The following TBL1XR1 variants were observed in gnomAD, a reference collection of about 807,000 sequenced individuals.
TBL1XR1 encodes the protein TBL1X/Y related 1.
Under a neutral mutation model 66.9 loss-of-function variants are expected in TBL1XR1, and 5 were observed. That is an observed-to-expected ratio of 0.07 (90% confidence interval 0.04 to 0.16). The LOEUF is 0.16. TBL1XR1 is among the 10% of genes least tolerant of loss of function. The pLI is 1.00. For synonymous variants in TBL1XR1, 210 were observed against 206.0 expected (o/e 1.02, Z -0.17); for missense variants, 238 against 623.2 (o/e 0.38, Z 6.58).
At chr3:177,173,289 C>T (rs575460302) in intron 1 of TBL1XR1, among the ~76,000 whole-genome samples, 1 of 152,204 alleles carries the variant, frequency 6.6e-6, no homozygotes. Context: ...GTACGTAGAA[C>T]TTAACATCCC....
At chr3:177,075,061 T>C (rs1720521758) in intron 2 of TBL1XR1, among the ~76,000 whole-genome samples, 1 of 152,222 alleles carries the variant, frequency 6.6e-6, no homozygotes, top group Non-Finnish European at 1.5e-5. Flanking sequence ...TACAACAAAC[T>C]GGGCCACTTA....
intron 12 of TBL1XR1, among the ~76,000 whole-genome samples, chr3:177,035,541 G>A (rs1385491447): frequency 1.3e-5 from 2 of 151,862 alleles, no homozygotes; most frequent in African/African-American, 4.8e-5. Flanking sequence ...AGCCTCCAGA[G>A]TAGCTGGGAT....
chr3:177,172,960 G>T (rs923366370), intron 1 of TBL1XR1, among the ~76,000 whole-genome samples: 1 of 152,040 alleles, frequency 6.6e-6, no homozygotes, highest in Non-Finnish European at 1.5e-5. Flanking sequence ...ATCACCTGAG[G>T]TCAGGAGTTC....
chr3:177,186,528 C>G (rs1333789471), intron 1 of TBL1XR1, among the ~76,000 whole-genome samples: 2 of 152,070 alleles, frequency 1.3e-5, no homozygotes, highest in African/African-American at 4.8e-5. Flanking sequence ...AGAAATGTAG[C>G]AACATTAGTA....
chr3:177,105,155 T>C (rs1724716792), intron 1 of TBL1XR1, among the ~76,000 whole-genome samples: 1 of 152,230 alleles, frequency 6.6e-6, no homozygotes, highest in African/African-American at 2.4e-5. Context: ...TGATTTTAAG[T>C]TATTTTTTCT....
At chr3:177,085,051 T>G (rs374300922) in intron 2 of TBL1XR1, among the ~76,000 whole-genome samples, 15 of 152,328 alleles carry the variant, frequency 9.8e-5, no homozygotes, top group African/African-American at 3.6e-4. Context: ...AGCCAGTTTC[T>G]TTCAATCAAA....
chr3:177,192,314 G>A (rs1280537835), intron 1 of TBL1XR1, among the ~76,000 whole-genome samples: 3 of 150,938 alleles, frequency 2.0e-5, no homozygotes, highest in Non-Finnish European at 2.9e-5. Flanking sequence ...CCCAGGAGGC[G>A]CGAGGTTGCA....
chr3:177,040,463 G>C (rs899486456), intron 10 of TBL1XR1, among the ~76,000 whole-genome samples: 5 of 151,792 alleles, frequency 3.3e-5, no homozygotes, highest in Non-Finnish European at 7.4e-5. Flanking sequence ...ATAGTAACTG[G>C]CTATGTTAAA....
chr3:177,189,027 G>A (rs938457983), intron 1 of TBL1XR1, among the ~76,000 whole-genome samples: 4 of 151,790 alleles, frequency 2.6e-5, no homozygotes, highest in Admixed American at 6.6e-5. Flanking sequence ...CCAACATAAC[G>A]AAACCCTATC....
intron 1 of TBL1XR1, among the ~76,000 whole-genome samples, chr3:177,119,322 G>T (rs1449684384): frequency 6.6e-6 from 1 of 152,150 alleles, no homozygotes; most frequent in Non-Finnish European, 1.5e-5. Context: ...CACGGGTGAA[G>T]AATATTTACA....
chr3:177,133,876 C>CAAAAA (rs541940840), intron 1 of TBL1XR1, among the ~76,000 whole-genome samples: 1,476 of 105,648 alleles, frequency 0.014, 60 homozygotes, highest in African/African-American at 0.044. Flanking sequence ...ACTCCTATCT[C>CAAAAA]AAAAAAAAAA....
chr3:177,104,698 C>T (rs185014288), intron 1 of TBL1XR1, among the ~76,000 whole-genome samples: 85 of 152,292 alleles, frequency 5.6e-4, no homozygotes, highest in African/African-American at 2.0e-3. Flanking sequence ...ATAAGCTATT[C>T]TCAAGACCAC....
chr3:177,148,572 G>C (rs1283282443), intron 1 of TBL1XR1, among the ~76,000 whole-genome samples: 1 of 151,844 alleles, frequency 6.6e-6, no homozygotes, highest in Non-Finnish European at 1.5e-5. Flanking sequence ...AAAATTAGCC[G>C]AGCATGGTGC....
chr3:177,143,116 A>C (rs1729818667), intron 1 of TBL1XR1, among the ~76,000 whole-genome samples: 1 of 151,624 alleles, frequency 6.6e-6, no homozygotes, highest in South Asian at 2.1e-4. Flanking sequence ...ATGTGTGGGA[A>C]ATAAGCTTTG....
chr3:177,165,476 T>G (rs983792797), intron 1 of TBL1XR1, among the ~76,000 whole-genome samples: 1 of 152,204 alleles, frequency 6.6e-6, no homozygotes, highest in Admixed American at 6.5e-5. Flanking sequence ...ATTTTGTGGA[T>G]ATCAACAAAC....
intron 10 of TBL1XR1, 51 bp downstream of exon 10, chr3:177,046,078 T>C: frequency 2.9e-6 from 4 of 1,388,890 alleles, no homozygotes; most frequent in Non-Finnish European, 3.9e-6. Flanking sequence ...AAAGTTTAAT[T>C]AGAAAAACAG....
chr3:177,034,817 G>C (rs1714536526), intron 12 of TBL1XR1, among the ~76,000 whole-genome samples: 4 of 151,046 alleles, frequency 2.6e-5, no homozygotes, highest in Non-Finnish European at 1.5e-5. Flanking sequence ...AAAAAAAGTA[G>C]AAAAAAGTAG....
At chr3:177,194,237 C>T (rs1476137178) in intron 1 of TBL1XR1, 3 of 152,210 alleles carry the variant, frequency 2.0e-5, no homozygotes, top group African/African-American at 7.2e-5. Flanking sequence ...AGGGTCCTAG[C>T]CCTCCTCTAC....
intron 1 of TBL1XR1, among the ~76,000 whole-genome samples, chr3:177,130,622 A>C (rs1728186222): frequency 6.6e-6 from 1 of 152,230 alleles, no homozygotes; most frequent in Non-Finnish European, 1.5e-5. Context: ...ACAGATGTGG[A>C]AAGGTTTTTT....
Sources: gnomAD v4.1 joint callset for allele counts (sites outside exome capture counted in the v4.1 genomes callset) on GRCh38, gnomAD v4.1.1 for gene constraint, MANE v1.5 for transcripts, NCBI Gene and HGNC (gene_info 2026-07-23, HGNC 2026-07-21) for gene names.